Variants in ZFPM1 observed in about 807,000 individuals in gnomAD.
ZFPM1 encodes zinc finger protein ZFPM1.
ZFPM1 carries 28 observed loss-of-function variants against 46.3 expected under a neutral mutation model. That is an observed-to-expected ratio of 0.60 (90% confidence interval 0.45 to 0.83). The LOEUF is 0.83. Ranked by LOEUF, ZFPM1 falls within the 40% of genes least tolerant of loss-of-function variation. ZFPM1 has a pLI of 0.00. For missense variants in ZFPM1, 1,878 were observed against 1,432.4 expected, an observed-to-expected ratio of 1.31 and a Z score of -5.02; for synonymous variants, 957 against 675.9, an observed-to-expected ratio of 1.42 and a Z score of -6.45.
chr16:88,499,426 G>T (rs1024740482), intron 3 of ZFPM1, among the ~76,000 whole-genome samples: 2 of 152,246 alleles, frequency 1.3e-5, no homozygotes, highest in African/African-American at 4.8e-5. Flanking sequence ...CAGCGGGTGG[G>T]AGACGCAGGC....
Position 88,534,037 on chromosome 16 carries a change from C to T in ZFPM1, c.2079C>T (p.Ser693=). The T allele has an allele frequency of 1.5e-6, 2 of 1,355,328 alleles. No homozygotes were observed. Among genetic ancestry groups the T allele is most frequent in the East Asian group, 4.2e-5 (1 of 23,754 alleles). The allele number at this position is 1,355,328 out of a possible 1,614,324, so 84.0% of individuals were successfully genotyped here. The change falls in exon 10 of 10, where the codon AGC becomes AGT. Residue 693 remains serine (S), a synonymous_variant. Transcript: ENST00000319555. ...GCGAGGCCTGCAACATCCGCTTCAG[C>T]CGCCACGAGACCTACACCGTGCACA... ...TLCEACNIRF[S]RHETYTVHKR... is the part of the protein sequence containing the mutation.
chr16:88,476,716 C>T (rs1255574887), intron 1 of ZFPM1, among the ~76,000 whole-genome samples: 4 of 152,160 alleles, frequency 2.6e-5, no homozygotes. Flanking sequence ...GTTCTTCACA[C>T]AGCAAGTGTG....
intron 4 of ZFPM1, among the ~76,000 whole-genome samples, chr16:88,514,998 G>T (rs1597267310): frequency 6.6e-6 from 1 of 152,232 alleles, no homozygotes; most frequent in South Asian, 2.1e-4. Flanking sequence ...CTTGGTGACA[G>T]CCCCTGCCTG....
intron 4 of ZFPM1, among the ~76,000 whole-genome samples, chr16:88,515,334 G>A (rs998637007): frequency 3.3e-5 from 5 of 152,166 alleles, no homozygotes; most frequent in African/African-American, 4.8e-5. Context: ...GACAGAGGGC[G>A]TCCCCCTTTG....
chr16:88,479,562 C>A (rs1908834748), intron 1 of ZFPM1, among the ~76,000 whole-genome samples: 1 of 152,148 alleles, frequency 6.6e-6, no homozygotes, highest in Non-Finnish European at 1.5e-5. Context: ...TCTGTCCCCA[C>A]CGTGGCCCAA....
rs141747177 is a variant in ZFPM1, at chr16:88,532,907, C to T, written c.1161C>T (p.Ala387=). 1,874 of 1,613,202 alleles carry T rather than the reference C, an allele frequency of 1.2e-3. 14 individuals are homozygous for T. Among genetic ancestry groups the T allele is most frequent in the South Asian group, 5.1e-3 (464 of 91,090 alleles). The change falls in exon 9 of 10, where the codon GCC becomes GCT. Residue 387 remains alanine (A), a synonymous_variant. Transcript: ENST00000319555. Reference sequence around the variant, plus strand: ...AGGGTGAGATCTACTCGCCAGGGGCCGGACACCCAGCAACCAAGCTGCCCC... The same window carrying T: ...AGGGTGAGATCTACTCGCCAGGGGCTGGACACCCAGCAACCAAGCTGCCCC... ...GSKGEIYSPG[A]GHPATKLPPD... is the part of the protein sequence containing the mutation.
intron 2 of ZFPM1, 129 bp downstream of exon 2, chr16:88,486,172 G>A (rs1222888327): frequency 8.2e-6 from 8 of 978,056 alleles, no homozygotes; most frequent in East Asian, 2.6e-5. Context: ...CAGGACAGGC[G>A]TCTTCCAGCC....
chr16:88,462,132 C>G (rs1907923183), intron 1 of ZFPM1, among the ~76,000 whole-genome samples: 1 of 152,164 alleles, frequency 6.6e-6, no homozygotes, highest in African/African-American at 2.4e-5. Context: ...AGCAGATAAG[C>G]AGGCCCCTCC....
intron 1 of ZFPM1, among the ~76,000 whole-genome samples, chr16:88,484,629 G>A (rs1044497940): frequency 2.0e-5 from 3 of 152,194 alleles, no homozygotes; most frequent in Admixed American, 6.5e-5. Context: ...AAGGCTGGGC[G>A]GGTCAGGCCT....
At position 88,491,675 on chromosome 16, in the gene ZFPM1, C is replaced by T. The variant is rs529694734; in HGVS notation, c.268+2522C>T. 5.3e-4 allele frequency among the ~76,000 whole-genome samples: 80 copies of T among 152,284 alleles called. 1 individual carries two copies. The Middle Eastern group carries it at 0.01, about 19-fold the overall frequency. The stretch of plus-strand genomic sequence containing the variant: ...GAAGGGCCGGGCCCCTGAGGCCGGC[C>T]GTGGTTTGGGGCTGGGGCACACCCC... On this transcript the variant is annotated intron_variant, in intron 3 of 9. Transcript: ENST00000319555.
At chr16:88,459,190 G>A (rs749666953) in intron 1 of ZFPM1, among the ~76,000 whole-genome samples, 9 of 152,164 alleles carry the variant, frequency 5.9e-5, no homozygotes, top group Non-Finnish European at 1.0e-4. Flanking sequence ...TGATGGCCTT[G>A]CCAGCCCATC....
At chr16:88,529,049 G>A (rs1310977428) in intron 6 of ZFPM1, among the ~76,000 whole-genome samples, 2 of 152,236 alleles carry the variant, frequency 1.3e-5, no homozygotes, top group African/African-American at 2.4e-5. Context: ...GGAGGCCGAG[G>A]CAGGAGGACC....
chr16:88,477,601 C>T lies in ZFPM1; in HGVS notation c.41-8338C>T, dbSNP rs996242093. 1.1e-4 allele frequency among the ~76,000 whole-genome samples: 16 copies of T among 152,188 alleles called. No individual in the cohort carries two copies. The East Asian group carries it at 2.1e-3, about 20-fold the overall frequency. On this transcript the variant is annotated intron_variant, in intron 1 of 9. Coordinates refer to ENST00000319555, the MANE Select transcript of ZFPM1 (RefSeq NM_153813.3). ...TCCCAGCTACTCAGGAGGCTTAGGC[C>T]GGAGGATCGCTTGAGTCTAGGGGTT...
At chr16:88,533,051 T>TTGC in intron 9 of ZFPM1, 97 bp from the exon 10 acceptor site, 12 of 1,351,580 alleles carry the variant, frequency 8.9e-6, no homozygotes, top group African/African-American at 1.5e-5. Flanking sequence ...TCTAAACCAC[T>TTGC]CCCGCCCACC....
intron 2 of ZFPM1, among the ~76,000 whole-genome samples, chr16:88,487,955 C>A (rs1391760318): frequency 7.2e-5 from 11 of 152,258 alleles, no homozygotes; most frequent in Non-Finnish European, 1.5e-4. Flanking sequence ...GCCGCCGTCC[C>A]CGTCGGCACA....
intron 1 of ZFPM1, among the ~76,000 whole-genome samples, chr16:88,460,725 G>C (rs1450403450): frequency 6.6e-6 from 1 of 152,222 alleles, no homozygotes; most frequent in Non-Finnish European, 1.5e-5. Context: ...TAGTCTAACA[G>C]GGCTGGTATA....
chr16:88,516,263 G>A (rs1911290664), intron 4 of ZFPM1: 1 of 398,426 alleles, frequency 2.5e-6, no homozygotes, highest in Non-Finnish European at 4.4e-6. Flanking sequence ...ACCGGCCCAG[G>A]AGTCATCCCC....
At chr16:88,458,985 T>C (rs1173212471) in intron 1 of ZFPM1, among the ~76,000 whole-genome samples, 1 of 152,212 alleles carries the variant, frequency 6.6e-6, no homozygotes, top group Non-Finnish European at 1.5e-5. Context: ...ATCAGCCACC[T>C]GCAAGCTGCA....
intron 1 of ZFPM1, among the ~76,000 whole-genome samples, chr16:88,474,986 G>A (rs900762847): frequency 6.6e-6 from 1 of 152,252 alleles, no homozygotes; most frequent in Non-Finnish European, 1.5e-5. Context: ...GCCCTGAATG[G>A]CAGCTGACCT....
Sources: gnomAD v4.1 joint callset for allele counts (sites outside exome capture counted in the v4.1 genomes callset) on GRCh38, gnomAD v4.1.1 for gene constraint, MANE v1.5 for transcripts, NCBI Gene and HGNC (gene_info 2026-07-23, HGNC 2026-07-21) for gene names.